The following MARK1 variants were observed in gnomAD, a reference collection of about 807,000 sequenced individuals.
The protein encoded by MARK1 is microtubule affinity regulating kinase 1.
A neutral mutation model predicts 96.3 loss-of-function variants in MARK1; 40 were observed. The observed-to-expected ratio is 0.42, with a 90% CI of 0.32 to 0.54. The LOEUF is 0.54. Among genes scored for constraint, MARK1 ranks in the 20% least tolerant of loss-of-function variants. The pLI is 0.16. For synonymous variants in MARK1, 317 were observed against 341.2 expected (o/e 0.93, Z 0.78); for missense variants, 719 against 984.6 (o/e 0.73, Z 3.61).
chr1:220,531,449 A>G (rs1036214938), intron 1 of MARK1, among the ~76,000 whole-genome samples: 3 of 152,132 alleles, frequency 2.0e-5, no homozygotes, highest in Non-Finnish European at 4.4e-5. Flanking sequence ...TTAAAACACC[A>G]TCTTGATATT....
At chr1:220,585,916 T>G (rs1311083395) in intron 3 of MARK1, among the ~76,000 whole-genome samples, 1 of 152,100 alleles carries the variant, frequency 6.6e-6, no homozygotes, top group African/African-American at 2.4e-5. Flanking sequence ...TTCTCTATCA[T>G]GACCAGTTTA....
chr1:220,648,813 G>C (rs188344254), intron 13 of MARK1, among the ~76,000 whole-genome samples: 1 of 152,148 alleles, frequency 6.6e-6, no homozygotes, highest in Non-Finnish European at 1.5e-5. Flanking sequence ...CAGTAATCCT[G>C]TGCAGTTTTA....
At position 220,543,379 on chromosome 1, in the gene MARK1, C is replaced by T. The variant is rs528451242; in HGVS notation, c.51+14506C>T. On this transcript the variant is annotated intron_variant, in intron 1 of 17. Transcript: ENST00000366917. ...TTTGCTAATCACTGAAAAGTTTGTA[C>T]CATTAGAATTCAATATATTTCCAAA... is the stretch of plus-strand genomic sequence containing the variant. 6.6e-5 allele frequency among the ~76,000 whole-genome samples: 10 copies of T among 152,176 alleles called. No homozygotes were observed. The South Asian group carries it at 1.5e-3, about 22-fold the overall frequency.
At chr1:220,594,853 C>A (rs924656958) in intron 3 of MARK1, among the ~76,000 whole-genome samples, 14 of 152,126 alleles carry the variant, frequency 9.2e-5, no homozygotes, top group African/African-American at 3.4e-4. Flanking sequence ...CAATGGTTGC[C>A]AGAGGTTAGG....
At chr1:220,615,848 G>A (rs540084699) in intron 6 of MARK1, 91 bp from the exon 7 acceptor site, 14 of 680,972 alleles carry the variant, frequency 2.1e-5, no homozygotes, top group Admixed American at 5.1e-5. Context: ...CTTGAAATCC[G>A]AATTAGTAAT....
Position 220,605,130 on chromosome 1 carries a change from A to G in MARK1, c.495+993A>G, listed in dbSNP as rs965642544. On this transcript the variant is annotated intron_variant, in intron 6 of 17. Transcript: ENST00000366917. ...AGAAGTCCTGAAAGGGAGGGGAGGA[A>G]AAAGCCTGTTTAACTTGTTGTAACA... is the stretch of plus-strand genomic sequence containing the variant. Among the ~76,000 whole-genome samples, 7 of 152,190 alleles carry G rather than the reference A, an allele frequency of 4.6e-5. No homozygotes were observed. In the East Asian group the frequency reaches 1.2e-3, roughly 25 times the overall value.
rs188156058 is a variant in MARK1 at position 220,584,910 on chromosome 1, T to C, written c.309+3792T>C. ...TATATAGCATATTTCACTCTATAGC[T>C]GAACAAAACCACTTATGTGCTGAGT... On this transcript the variant is annotated intron_variant, in intron 3 of 17. Coordinates refer to ENST00000366917, the MANE Select transcript of MARK1 (RefSeq NM_018650.5). Among the ~76,000 whole-genome samples, 111 of 152,332 alleles carry C rather than the reference T, an allele frequency of 7.3e-4. 1 individual carries two copies. The highest frequency in any genetic ancestry group is 1.5e-3 in the Non-Finnish European group (101 of 68,016).
chr1:220,561,874 A>T (rs1480683982), intron 1 of MARK1, among the ~76,000 whole-genome samples: 1 of 152,216 alleles, frequency 6.6e-6, no homozygotes, highest in African/African-American at 2.4e-5. Context: ...ATTAATAAAA[A>T]TAAAAATCTA....
chr1:220,571,690 C>T (rs1014187977), intron 1 of MARK1: 9 of 152,150 alleles, frequency 5.9e-5, no homozygotes, highest in African/African-American at 2.2e-4. Flanking sequence ...CAGCCATGTT[C>T]CTATACAGAT....
chr1:220,559,263 G>A (rs1276584726), intron 1 of MARK1, among the ~76,000 whole-genome samples: 1 of 152,158 alleles, frequency 6.6e-6, no homozygotes, highest in Non-Finnish European at 1.5e-5. Flanking sequence ...AAAATCTGGA[G>A]ATTGTGGTGT....
chr1:220,552,517 G>A (rs1661934148), intron 1 of MARK1, among the ~76,000 whole-genome samples: 1 of 152,288 alleles, frequency 6.6e-6, no homozygotes, highest in Admixed American at 6.5e-5. Flanking sequence ...CTGCTTCAGA[G>A]TATTGGGGGA....
intron 1 of MARK1, among the ~76,000 whole-genome samples, chr1:220,571,225 C>T (rs925960461): frequency 3.3e-5 from 5 of 152,088 alleles, no homozygotes; most frequent in African/African-American, 4.8e-5. Flanking sequence ...TGGGTCCATT[C>T]ATGTACTAGT....
chr1:220,555,284 A>G (rs950635364), intron 1 of MARK1, among the ~76,000 whole-genome samples: 1 of 152,212 alleles, frequency 6.6e-6, no homozygotes, highest in African/African-American at 2.4e-5. Flanking sequence ...TAATCATCCT[A>G]TCTGTATTAG....
At chr1:220,639,757 A>G (rs1435957124) in intron 13 of MARK1, among the ~76,000 whole-genome samples, 1 of 152,206 alleles carries the variant, frequency 6.6e-6, no homozygotes, top group African/African-American at 2.4e-5. Context: ...GACTATGTGT[A>G]TATCCTTGGA....
chr1:220,565,368 A>G (rs1024910854), intron 1 of MARK1, among the ~76,000 whole-genome samples: 16 of 152,190 alleles, frequency 1.1e-4, no homozygotes, highest in African/African-American at 3.1e-4. Context: ...CAGTATCCCT[A>G]TGGTAATATC....
At chr1:220,637,732 C>T (rs1234501164) in intron 13 of MARK1, among the ~76,000 whole-genome samples, 1 of 150,410 alleles carries the variant, frequency 6.6e-6, no homozygotes, top group Admixed American at 6.6e-5. Context: ...AAGCAGCAAA[C>T]ATGAGTTCAG....
At chr1:220,579,272 A>G in intron 1 of MARK1, 82 bp from the exon 2 acceptor site, 1 of 908,842 alleles carries the variant, frequency 1.1e-6, no homozygotes, top group South Asian at 1.6e-5. Flanking sequence ...AGAATTGGTA[A>G]TAATAATTAT....
At chr1:220,598,720 G>A (rs541869824) in intron 4 of MARK1, among the ~76,000 whole-genome samples, 6 of 152,102 alleles carry the variant, frequency 3.9e-5, no homozygotes, top group South Asian at 2.1e-4. Context: ...CTGGCCGGGC[G>A]TGGTGGCTTA....
intron 9 of MARK1, chr1:220,627,471 T>G: frequency 2.3e-6 from 1 of 431,990 alleles, no homozygotes; most frequent in South Asian, 1.8e-5. Flanking sequence ...AGCTCTGGCT[T>G]CTTGCCAAGT....
Sources: gnomAD v4.1 joint callset for allele counts (sites outside exome capture counted in the v4.1 genomes callset) on GRCh38, gnomAD v4.1.1 for gene constraint, MANE v1.5 for transcripts, NCBI Gene and HGNC (gene_info 2026-07-23, HGNC 2026-07-21) for gene names.